Variants in NR2F6 observed in about 807,000 individuals in gnomAD.
NR2F6 encodes the protein nuclear receptor subfamily 2 group F member 6, also known as ERBA-related gene-2.
In NR2F6, 16 loss-of-function variants were observed where a neutral mutation model predicts 26.5. The observed-to-expected ratio is 0.60, with a 90% confidence interval of 0.41 to 0.92. NR2F6 has a LOEUF of 0.92. NR2F6 is among the 40% of genes least tolerant of loss of function. NR2F6 has a pLI of 0.00. For synonymous variants in NR2F6, 325 were observed against 305.0 expected, an observed-to-expected ratio of 1.07 and a Z score of -0.68; for missense variants, 536 against 631.7, an observed-to-expected ratio of 0.85 and a Z score of 1.62.
At chr19:17,234,595 T>C (rs750216862) in intron 3 of NR2F6, among the ~76,000 whole-genome samples, 3 of 152,154 alleles carry the variant, frequency 2.0e-5, no homozygotes, top group Non-Finnish European at 2.9e-5. Context: ...CTTATGCCTG[T>C]AATCCTAGCA....
Position 17,232,491 on chromosome 19 carries a change from G to T in NR2F6, c.1076C>A (p.Ala359Asp). The T allele has an allele frequency of 6.2e-7, 1 of 1,611,726 alleles. No homozygotes were observed. The highest frequency in any genetic ancestry group is 8.5e-7 in the Non-Finnish European group (1 of 1,179,174). Residue 359 changes from alanine (A) to aspartate (D), a missense_variant, in exon 4 of 4, where the codon GCC becomes GAC. Coordinates refer to ENST00000291442, the MANE Select transcript of NR2F6 (RefSeq NM_005234.4). ...GAGGGAGGCAGGGACCGCGCGCAGG[G>T]CGGGGAGCCGCAGCAGCAGGCGCCC... ...RFGRLLLRLP[A>D]LRAVPASLIS... is the part of the protein sequence containing the mutation.
rs1464019420 is a variant in NR2F6 at position 17,235,500 on chromosome 19, G to A, written c.939C>T (p.Pro313=). ...GCLKAIALFT[P]DACGLSDPAH... ...GGCCCTCTTCGGAGCGTGGCTCACC[G>A]GGCGTGAAGAGCGCGATGGCCTTGA... is the stretch of plus-strand genomic sequence containing the variant. Residue 313 remains proline (P), a splice_region_variant and synonymous_variant, in exon 3 of 4, where the codon CCC becomes CCT. Coordinates refer to ENST00000291442, the MANE Select transcript of NR2F6 (RefSeq NM_005234.4). The surrounding 1 kb of genome is among the most constrained non-coding windows in gnomAD (Gnocchi z 5.0). The A allele has an allele frequency of 1.9e-6, 3 of 1,585,250 alleles. No homozygotes were observed. The highest frequency in any genetic ancestry group is 2.3e-5 in the East Asian group (1 of 43,762).
At chr19:17,237,710 G>A (rs1179504183) in intron 2 of NR2F6, among the ~76,000 whole-genome samples, 6 of 151,988 alleles carry the variant, frequency 3.9e-5, no homozygotes, top group South Asian at 4.2e-4. Context: ...ACGCCTGGCC[G>A]GCCTTTGCAC....
intron 2 of NR2F6, among the ~76,000 whole-genome samples, chr19:17,238,500 C>T (rs983585812): frequency 1.3e-5 from 2 of 152,130 alleles, no homozygotes; most frequent in African/African-American, 2.4e-5. Context: ...GCAAAGGACC[C>T]GAGGCAGGTG....
chr19:17,232,120 TG>T lies in NR2F6; in HGVS notation c.*231del. 1.7e-6 allele frequency: 1 copy of T among 593,398 alleles called. No homozygotes were observed. Among genetic ancestry groups the T allele is most frequent in the Non-Finnish European group, 2.9e-6 (1 of 348,424 alleles). The allele number at this position is 593,398 out of a possible 1,614,324, so 36.8% of individuals were successfully genotyped here. A position where few individuals can be genotyped will look rare whatever the true frequency, so the allele number is the denominator to read the frequency against. ...TGTCCTAGGATTGGACCCTCCATCC[TG>T]GACAGGGGTCCTGGGGAGGATGAGG... On this transcript the variant is annotated 3_prime_UTR_variant, in exon 4 of 4. Coordinates refer to ENST00000291442, the MANE Select transcript of NR2F6 (RefSeq NM_005234.4).
chr19:17,232,573 G>A lies in NR2F6; in HGVS notation c.994C>T (p.Gln332Ter). The A allele has an allele frequency of 6.3e-7, 1 of 1,584,312 alleles. No individual in the cohort carries two copies. The highest frequency in any genetic ancestry group is 8.6e-7 in the Non-Finnish European group (1 of 1,163,482). The change falls in exon 4 of 4, where the codon CAG becomes TAG. Residue 332 changes from glutamine to a stop codon, truncating the protein, a stop_gained. Coordinates refer to ENST00000291442, the MANE Select transcript of NR2F6 (RefSeq NM_005234.4). LOFTEE classifies it high-confidence loss of function. ...AHVESLQEKA[Q>*]VALTEYVRAQ... is the part of the protein sequence containing the mutation. ...CGCACATACTCGGTGAGGGCCACCT[G>A]CGCCTTCTCCTGCAGGCTCTCAACG... is the stretch of plus-strand genomic sequence containing the variant.
chr19:17,236,743 GC>G (rs2073440754), intron 2 of NR2F6, among the ~76,000 whole-genome samples: 1 of 152,170 alleles, frequency 6.6e-6, no homozygotes. Flanking sequence ...CTGGGTCCCT[GC>G]AGAGGCTACA....
At chr19:17,232,654 G>A in intron 3 of NR2F6, 28 bp from the exon 4 acceptor site, 1 of 1,513,194 alleles carries the variant, frequency 6.6e-7, no homozygotes, top group Non-Finnish European at 8.8e-7. Context: ...AGTCAGACAG[G>A]TGGGAGGCAG....
chr19:17,237,359 T>C (rs1319722753), intron 2 of NR2F6, among the ~76,000 whole-genome samples: 1 of 151,650 alleles, frequency 6.6e-6, no homozygotes, highest in African/African-American at 2.4e-5. Flanking sequence ...TTTTCTTTTT[T>C]CCCTCCCTCC....
At chr19:17,237,697 C>T (rs1482227391) in intron 2 of NR2F6, among the ~76,000 whole-genome samples, 1 of 151,990 alleles carries the variant, frequency 6.6e-6, no homozygotes, top group Non-Finnish European at 1.5e-5. Context: ...GGCGTGAGCC[C>T]CCACGCCTGG....
Position 17,235,486 on chromosome 19 carries a change from G to C in NR2F6, c.940+13C>G. 4 of 1,573,178 alleles carry C rather than the reference G, an allele frequency of 2.5e-6. No homozygotes were observed. The highest frequency in any genetic ancestry group is 3.4e-6 in the Non-Finnish European group (4 of 1,166,056). On this transcript the variant is annotated intron_variant, in intron 3 of 3. Transcript: ENST00000291442. This position sits in a 1 kb window ranked among gnomAD's most constrained non-coding sequence, Gnocchi z 5.0. ...TCCCCCCATCCCGCGGCCCTCTTCG[G>C]AGCGTGGCTCACCGGGCGTGAAGAG...
intron 1 of NR2F6, among the ~76,000 whole-genome samples, chr19:17,241,079 G>A (rs1165027399): frequency 6.6e-6 from 1 of 152,202 alleles, no homozygotes; most frequent in African/African-American, 2.4e-5. Flanking sequence ...CCCAGAGAGA[G>A]GGTACAGCCA....
rs1360236271 is a variant in NR2F6, at chr19:17,235,616, C to T, written c.823G>A (p.Ala275Thr). The T allele has an allele frequency of 2.6e-6, 4 of 1,556,218 alleles. No homozygotes were observed. Among genetic ancestry groups the T allele is most frequent in the African/African-American group, 2.8e-5 (2 of 72,482 alleles). Residue 275 changes from alanine (A) to threonine (T), a missense_variant, in exon 3 of 4, where the codon GCC (alanine) becomes ACC (threonine). Physicochemically the swap from Ala to Thr is moderately conservative, Grantham distance 58. Coordinates refer to ENST00000291442, the MANE Select transcript of NR2F6 (RefSeq NM_005234.4). The surrounding 1 kb of genome is among the most constrained non-coding windows in gnomAD (Gnocchi z 5.0). ...CGCACCTGGTCCATGAAAGCCACGGCGCGCTCGGCGGCCATAGGCGCGGCG... is the reference window on the plus strand; with the variant it reads ...CGCACCTGGTCCATGAAAGCCACGGTGCGCTCGGCGGCCATAGGCGCGGCG... ...LHAAPMAAER[A>T]VAFMDQVRAF...
Position 17,244,929 on chromosome 19 carries a change from GA to G in NR2F6, c.278+13del. 6.4e-7 allele frequency: 1 copy of G among 1,562,674 alleles called. No individual in the cohort carries two copies. On this transcript the variant is annotated intron_variant, in intron 1 of 3. Transcript: ENST00000291442. ...GCGGGGTGCACGGCGGCGGCGCGCG[GA>G]TGGGGGGCTCACCGGCAGGTGTAGC... is the stretch of plus-strand genomic sequence containing the variant.
Position 17,235,572 on chromosome 19 carries a change from C to T in NR2F6, c.867G>A (p.Val289=), listed in dbSNP as rs1161168473. 6.3e-7 allele frequency: 1 copy of T among 1,592,280 alleles called. No individual in the cohort carries two copies. Among genetic ancestry groups the T allele is most frequent in the East Asian group, 2.3e-5 (1 of 44,416 alleles). The part of the protein sequence containing the change: ...MDQVRAFQEQ[V]DKLGRLQVDS... ...CGACCTGCAGGCGGCCCAGCTTGTCCACCTGCTCCTGGAAGGCGCGCACCT... is the reference window on the plus strand; with the variant it reads ...CGACCTGCAGGCGGCCCAGCTTGTCTACCTGCTCCTGGAAGGCGCGCACCT... The change falls in exon 3 of 4, where the codon GTG becomes GTA. Residue 289 remains valine (V), a synonymous_variant. Coordinates refer to ENST00000291442, the MANE Select transcript of NR2F6 (RefSeq NM_005234.4). This position sits in a 1 kb window ranked among gnomAD's most constrained non-coding sequence, Gnocchi z 5.0.
intron 3 of NR2F6, among the ~76,000 whole-genome samples, chr19:17,233,956 G>A (rs1442709385): frequency 3.3e-5 from 5 of 152,106 alleles, no homozygotes; most frequent in Non-Finnish European, 7.4e-5. Context: ...CAGGCGCGGT[G>A]GCTCACGCCT....
rs1319453829 is a variant in NR2F6 at position 17,245,145 on chromosome 19, G to A, written c.76C>T (p.Arg26Cys). ...GAGGCCGAGTCGTCCTCGGCCGCGC[G>A]CGGGTAGCCGCCCGCCTTGTCCACG... Reference protein sequence around the residue: ...NGVDKAGGYPRAAEDDSASPP... With the variant: ...NGVDKAGGYPCAAEDDSASPP... The change falls in exon 1 of 4, where the codon CGC becomes TGC. Residue 26 changes from arginine (R) to cysteine (C), a missense_variant. Physicochemically the swap from Arg to Cys is radical, Grantham distance 180. Coordinates refer to ENST00000291442, the MANE Select transcript of NR2F6 (RefSeq NM_005234.4). This position sits in a 1 kb window ranked among gnomAD's most constrained non-coding sequence, Gnocchi z 5.0. 23 of 1,431,252 alleles carry A rather than the reference G, an allele frequency of 1.6e-5. No homozygotes were observed. The highest frequency in any genetic ancestry group is 1.5e-4 in the East Asian group (5 of 32,862). The allele number at this position is 1,431,252 out of a possible 1,614,324, so 88.7% of individuals were successfully genotyped here.
intron 3 of NR2F6, among the ~76,000 whole-genome samples, chr19:17,233,371 G>A (rs2073418722): frequency 6.6e-6 from 1 of 151,976 alleles, no homozygotes; most frequent in Admixed American, 6.6e-5. Context: ...GATGCAAATG[G>A]GACTATCTAA....
At chr19:17,239,860 A>C (rs1309833536) in intron 2 of NR2F6, among the ~76,000 whole-genome samples, 2 of 152,042 alleles carry the variant, frequency 1.3e-5, no homozygotes, top group Non-Finnish European at 2.9e-5. Flanking sequence ...GGAAAAAAAA[A>C]CTTCAAAGCA....
Sources: allele counts gnomAD v4.1 joint callset (sites outside exome capture counted in the v4.1 genomes callset), GRCh38; gene constraint gnomAD v4.1.1; non-coding constraint Gnocchi (gnomAD v3.1); transcripts MANE v1.5; gene names NCBI Gene and HGNC (gene_info 2026-07-23, HGNC 2026-07-21).